The following AVL9 variants were observed in gnomAD, a reference collection of about 807,000 sequenced individuals.
The protein encoded by AVL9 is AVL9 cell migration associated.
A neutral mutation model predicts 79.2 loss-of-function variants in AVL9; 49 were observed. The observed-to-expected ratio is 0.62, with a 90% CI of 0.49 to 0.79. The LOEUF (loss-of-function observed/expected upper bound fraction) is 0.79. AVL9 is among the 30% of genes least tolerant of loss of function. The pLI is 0.00. For synonymous variants in AVL9, 299 were observed against 280.6 expected (o/e 1.07, Z -0.65); for missense variants, 682 against 776.8 (o/e 0.88, Z 1.45).
chr7:32,552,209 A>G lies in AVL9; in HGVS notation c.463-20A>G. 1 of 1,473,956 alleles carries G rather than the reference A, an allele frequency of 6.8e-7. No individual in the cohort carries two copies. 91.3% of individuals were successfully genotyped at this position (1,473,956 alleles called of 1,614,324 possible). On this transcript the variant is annotated intron_variant, in intron 5 of 15. Transcript: ENST00000318709. ...CTAAAATGATAGTAAAATGTGCTAA[A>G]TTCAATCTATATTTTATAGGAGCTT...
chr7:32,558,791 TTC>T (rs1459806646), intron 9 of AVL9, 136 bp from the exon 10 acceptor site: 56 of 1,037,868 alleles, frequency 5.4e-5, no homozygotes, highest in Non-Finnish European at 6.9e-5. Context: ...CTGGGCTTCT[TTC>T]TGTTCTTTTT....
At chr7:32,545,999 T>C (rs1789482596) in intron 3 of AVL9, among the ~76,000 whole-genome samples, 1 of 151,712 alleles carries the variant, frequency 6.6e-6, no homozygotes, top group Admixed American at 6.6e-5. Flanking sequence ...CGCCAGGTGA[T>C]TTTTCTGCCT....
Position 32,495,816 on chromosome 7 carries a change from C to A in AVL9, c.93+14C>A. 3 of 1,253,586 alleles carry A rather than the reference C, an allele frequency of 2.4e-6. No homozygotes were observed. The highest frequency in any genetic ancestry group is 3.0e-6 in the Non-Finnish European group (3 of 989,136). 77.7% of individuals were successfully genotyped at this position (1,253,586 alleles called of 1,614,324 possible). On this transcript the variant is annotated intron_variant, in intron 1 of 15. Transcript: ENST00000318709. ...AAGGGCTGCCAGGTGAGGAAAGGGC[C>A]CGCCCCCGCCCCCAGCCGTTCGGGC...
At position 32,583,964 on chromosome 7, in the gene AVL9, G is replaced by C. The variant is rs1197809853; in HGVS notation, c.*57G>C. The C allele has an allele frequency of 1.6e-6, 2 of 1,264,854 alleles. No homozygotes were observed. Among genetic ancestry groups the C allele is most frequent in the East Asian group, 2.3e-5 (1 of 42,882 alleles). The allele number at this position is 1,264,854 out of a possible 1,614,324, so 78.4% of individuals were successfully genotyped here. A position where few individuals can be genotyped will look rare whatever the true frequency, so the allele number is the denominator to read the frequency against. On this transcript the variant is annotated 3_prime_UTR_variant, in exon 16 of 16. Transcript: ENST00000318709. ...AGGTTTAAGTGTCCCCTGTCTGTCT[G>C]CTGCTCCCAGGCTGTTACTAGCCAC... is the stretch of plus-strand genomic sequence containing the variant.
intron 10 of AVL9, among the ~76,000 whole-genome samples, chr7:32,565,559 C>CAA (rs56944092): frequency 0.06 from 8,485 of 140,938 alleles, 790 homozygotes; most frequent in African/African-American, 0.2. Context: ...AACTCCGTCT[C>CAA]AAAAAAAAAA....
At chr7:32,523,150 C>CAAAAAAAAAAAAAA (rs59565422) in intron 1 of AVL9, among the ~76,000 whole-genome samples, 1 of 81,280 alleles carries the variant, frequency 1.2e-5, no homozygotes, top group African/African-American at 4.7e-5. Context: ...GGTAATTAAC[C>CAAAAAAAAAAAAAA]AAAAAAAAAA....
At chr7:32,534,034 G>A (rs1788785017) in intron 1 of AVL9, 1 of 152,170 alleles carries the variant, frequency 6.6e-6, no homozygotes, top group African/African-American at 2.4e-5. Flanking sequence ...TCTGACTAGA[G>A]GACACCAATT....
intron 1 of AVL9, among the ~76,000 whole-genome samples, chr7:32,515,586 G>A (rs988582758): frequency 4.6e-5 from 7 of 152,206 alleles, no homozygotes; most frequent in Non-Finnish European, 1.0e-4. Flanking sequence ...CAGAGAAGGC[G>A]AATTTGAGTT....
chr7:32,504,314 A>G (rs1254080254), intron 1 of AVL9, among the ~76,000 whole-genome samples: 1 of 152,190 alleles, frequency 6.6e-6, no homozygotes, highest in Non-Finnish European at 1.5e-5. Flanking sequence ...ATCTTTGTAT[A>G]TATTTTCAGG....
rs150189474 is a variant in AVL9 at position 32,509,819 on chromosome 7, C to T, written c.93+14017C>T. ...GAACCAAGATCACACCACTGTACTC[C>T]AGCCTGGGCAACAGAGTGAGACTGT... On this transcript the variant is annotated intron_variant, in intron 1 of 15. Transcript: ENST00000318709. Among the ~76,000 whole-genome samples, 344 of 152,262 alleles carry T rather than the reference C, an allele frequency of 2.3e-3. 2 individuals carry two copies. The highest frequency in any genetic ancestry group is 7.3e-3 in the African/African-American group (304 of 41,538).
chr7:32,558,030 A>G (rs1173450805), intron 8 of AVL9, among the ~76,000 whole-genome samples: 1 of 137,118 alleles, frequency 7.3e-6, no homozygotes, highest in Non-Finnish European at 1.6e-5. Context: ...TAATTTTTGT[A>G]CTTTTAGTAG....
intron 1 of AVL9, among the ~76,000 whole-genome samples, chr7:32,526,315 G>A (rs1267807609): frequency 6.6e-6 from 1 of 152,214 alleles, no homozygotes; most frequent in East Asian, 1.9e-4. Flanking sequence ...CTCCTTCAGA[G>A]ACCAATCTAA....
chr7:32,551,598 A>G (rs1458814065), intron 5 of AVL9, among the ~76,000 whole-genome samples, 175 bp downstream of exon 5: 1 of 32,430 alleles, frequency 3.1e-5, no homozygotes, highest in African/African-American at 1.2e-4. Context: ...TACTAAATTT[A>G]ACCAAACTTT....
chr7:32,560,336 ATAAT>A (rs1790279911), intron 10 of AVL9, among the ~76,000 whole-genome samples: 1 of 151,874 alleles, frequency 6.6e-6, no homozygotes, highest in Admixed American at 6.6e-5. Context: ...TAATTATTAA[ATAAT>A]TTTTAATTTA....
intron 14 of AVL9, 87 bp from the exon 15 acceptor site, chr7:32,580,714 TG>T: frequency 1.5e-6 from 1 of 687,156 alleles, no homozygotes; most frequent in East Asian, 3.0e-5. Flanking sequence ...GAGTGACTAT[TG>T]TGTGTGTGTC....
chr7:32,524,976 G>A (rs1374241360), intron 1 of AVL9, among the ~76,000 whole-genome samples: 3 of 152,142 alleles, frequency 2.0e-5, no homozygotes, highest in Non-Finnish European at 4.4e-5. Flanking sequence ...TGTTCAAGGA[G>A]GACAATACTC....
At chr7:32,505,529 A>G (rs1375110602) in intron 1 of AVL9, among the ~76,000 whole-genome samples, 2 of 151,932 alleles carry the variant, frequency 1.3e-5, no homozygotes, top group African/African-American at 4.8e-5. Flanking sequence ...GTCTCAAAAA[A>G]AAAAAAGAAA....
chr7:32,561,391 C>T (rs1790326054), intron 10 of AVL9, among the ~76,000 whole-genome samples: 1 of 152,238 alleles, frequency 6.6e-6, no homozygotes. Flanking sequence ...TCACCTTGCA[C>T]TTTTATGTTA....
chr7:32,500,394 G>T (rs1310937911), intron 1 of AVL9, among the ~76,000 whole-genome samples: 1 of 152,148 alleles, frequency 6.6e-6, no homozygotes, highest in East Asian at 1.9e-4. Flanking sequence ...CTTTTGAGAA[G>T]TGTCTGTTCA....
Sources: allele counts gnomAD v4.1 joint callset (sites outside exome capture counted in the v4.1 genomes callset), GRCh38; gene constraint gnomAD v4.1.1; transcripts MANE v1.5; gene names NCBI Gene and HGNC (gene_info 2026-07-23, HGNC 2026-07-21).